The following XKR4 variants were observed in gnomAD, a reference collection of about 807,000 sequenced individuals.
XKR4 encodes the protein XK-related protein 4.
A neutral mutation model predicts 53.9 loss-of-function variants in XKR4; 12 were observed. The ratio of observed to expected loss-of-function variants is 0.22; its 90% CI spans 0.14 to 0.36. The LOEUF (loss-of-function observed/expected upper bound fraction) is 0.36. Among genes scored for constraint, XKR4 ranks in the 10% least tolerant of loss-of-function variants. XKR4 has a pLI of 1.00. For synonymous variants in XKR4, 354 were observed against 362.4 expected (o/e 0.98, Z 0.26); for missense variants, 799 against 859.5 (o/e 0.93, Z 0.88).
chr8:55,416,769 G>A (rs895562161), intron 2 of XKR4, among the ~76,000 whole-genome samples: 4 of 152,134 alleles, frequency 2.6e-5, no homozygotes, highest in Non-Finnish European at 5.9e-5. Context: ...AGCCAGAAAT[G>A]TATTTTACCT....
At chr8:55,472,276 T>C (rs756603479) in intron 2 of XKR4, among the ~76,000 whole-genome samples, 1 of 152,172 alleles carries the variant, frequency 6.6e-6, no homozygotes, top group South Asian at 2.1e-4. Flanking sequence ...ATCATCTGTG[T>C]GTCTGTAAAG....
At chr8:55,237,535 G>T (rs1168793636) in intron 1 of XKR4, among the ~76,000 whole-genome samples, 3 of 152,168 alleles carry the variant, frequency 2.0e-5, no homozygotes, top group Non-Finnish European at 2.9e-5. Flanking sequence ...TGAAGGAAGA[G>T]GAGGGTCTCA....
At chr8:55,331,334 T>C (rs567055381) in intron 1 of XKR4, among the ~76,000 whole-genome samples, 1 of 152,338 alleles carries the variant, frequency 6.6e-6, no homozygotes, top group African/African-American at 2.4e-5. Context: ...ATAATTTCAG[T>C]CCTTTTAAAT....
In XKR4 at chr8:55,102,857, C is replaced by T. The variant is rs1277087079; in HGVS notation, c.369C>T (p.Phe123=). Residue 123 remains phenylalanine (F), a synonymous_variant, in exon 1 of 3, where the codon TTC becomes TTT. Coordinates refer to ENST00000327381, the MANE Select transcript of XKR4 (RefSeq NM_052898.2). This position sits in a 1 kb window ranked among gnomAD's most constrained non-coding sequence, Gnocchi z 5.1. ...LWILAAVAVY[F]ADVGTDVWLA... ...TCCTGGCCGCCGTGGCCGTGTACTT[C>T]GCGGACGTGGGCACAGACGTCTGGC... 1.2e-6 allele frequency: 2 copies of T among 1,611,856 alleles called. No individual in the cohort carries two copies. Among genetic ancestry groups the T allele is most frequent in the Non-Finnish European group, 1.7e-6 (2 of 1,179,922 alleles).
intron 1 of XKR4, among the ~76,000 whole-genome samples, chr8:55,261,640 T>G (rs1003494078): frequency 6.6e-6 from 1 of 152,288 alleles, no homozygotes; most frequent in East Asian, 1.9e-4. Context: ...ATGCAAAACA[T>G]GCAAAATAAA....
chr8:55,403,492 A>G (rs1452787363), intron 2 of XKR4, among the ~76,000 whole-genome samples: 2 of 152,274 alleles, frequency 1.3e-5, no homozygotes, highest in African/African-American at 4.8e-5. Flanking sequence ...TTACCTTTAG[A>G]AAAATATCAC....
chr8:55,238,867 A>C (rs1818170382), intron 1 of XKR4, among the ~76,000 whole-genome samples: 1 of 152,222 alleles, frequency 6.6e-6, no homozygotes, highest in Admixed American at 6.5e-5. Context: ...AGGTTCAGAA[A>C]CATGAATAAT....
intron 1 of XKR4, among the ~76,000 whole-genome samples, chr8:55,244,897 A>ACTTTTT (rs1563491787): frequency 9.0e-6 from 1 of 110,828 alleles, no homozygotes; most frequent in Non-Finnish European, 1.9e-5. Flanking sequence ...CTTTGCCAAC[A>ACTTTTT]TTTTTTTTTT....
intron 1 of XKR4, among the ~76,000 whole-genome samples, chr8:55,256,477 G>C (rs1393330608): frequency 6.6e-6 from 1 of 152,214 alleles, no homozygotes; most frequent in Non-Finnish European, 1.5e-5. Context: ...GGGATGGAAA[G>C]GAGATAGTAA....
intron 2 of XKR4, among the ~76,000 whole-genome samples, chr8:55,383,751 A>C (rs1159607079): frequency 6.6e-6 from 1 of 152,156 alleles, no homozygotes; most frequent in East Asian, 1.9e-4. Flanking sequence ...TCTGCTTAGA[A>C]GATTGGGTAG....
chr8:55,434,486 G>C (rs192522977), intron 2 of XKR4, among the ~76,000 whole-genome samples: 19 of 150,986 alleles, frequency 1.3e-4, no homozygotes, highest in African/African-American at 4.6e-4. Flanking sequence ...TAGTTAATTG[G>C]ATAAAATCCA....
At chr8:55,147,583 C>G (rs931150681) in intron 1 of XKR4, among the ~76,000 whole-genome samples, 1 of 152,188 alleles carries the variant, frequency 6.6e-6, no homozygotes, top group East Asian at 1.9e-4. Flanking sequence ...TCCGAGGAGG[C>G]AAGAGGCTTG....
intron 1 of XKR4, among the ~76,000 whole-genome samples, chr8:55,274,107 A>G (rs1818731630): frequency 2.0e-5 from 3 of 152,366 alleles, no homozygotes; most frequent in Admixed American, 6.5e-5. Flanking sequence ...CAGGACCTGA[A>G]GCAAGATAAA....
chr8:55,360,611 A>G (rs964170829), intron 2 of XKR4, among the ~76,000 whole-genome samples: 1 of 152,236 alleles, frequency 6.6e-6, no homozygotes, highest in Admixed American at 6.5e-5. Flanking sequence ...AAATATCTAA[A>G]ACATTCTTAT....
intron 1 of XKR4, among the ~76,000 whole-genome samples, chr8:55,340,807 C>G (rs367810232): frequency 2.6e-5 from 4 of 152,180 alleles, no homozygotes; most frequent in Non-Finnish European, 5.9e-5. Flanking sequence ...TTTGGTCATG[C>G]CTTTTGTATA....
At chr8:55,449,155 G>GATTTATTTATTTATTTATTT (rs6150588) in intron 2 of XKR4, among the ~76,000 whole-genome samples, 76 of 150,052 alleles carry the variant, frequency 5.1e-4, no homozygotes, top group African/African-American at 1.7e-3. Flanking sequence ...ATTTATTCTA[G>GATTTATTTATTTATTTATTT]ATTTATTTAT....
chr8:55,449,805 C>T (rs771962550), intron 2 of XKR4: 7 of 1,204,272 alleles, frequency 5.8e-6, no homozygotes, highest in Non-Finnish European at 8.6e-6. Flanking sequence ...ATGAAGGCCC[C>T]CTTCTTGTAC....
At chr8:55,445,141 T>C (rs555191460) in intron 2 of XKR4, among the ~76,000 whole-genome samples, 23 of 152,316 alleles carry the variant, frequency 1.5e-4, no homozygotes, top group African/African-American at 5.5e-4. Context: ...CACTGCAAGC[T>C]CCGCCTCCCG....
chr8:55,339,670 T>C (rs192017963), intron 1 of XKR4, among the ~76,000 whole-genome samples: 45 of 152,326 alleles, frequency 3.0e-4, no homozygotes, highest in Middle Eastern at 6.8e-3. Context: ...ACGTAGGCAG[T>C]CCTTCGTTAT....
Sources: gnomAD v4.1 joint callset for allele counts (sites outside exome capture counted in the v4.1 genomes callset) on GRCh38, gnomAD v4.1.1 for gene constraint, Gnocchi (gnomAD v3.1) non-coding constraint, MANE v1.5 for transcripts, NCBI Gene and HGNC (gene_info 2026-07-23, HGNC 2026-07-21) for gene names.